Variants in VANGL1 observed in about 807,000 individuals in gnomAD.
VANGL1 encodes the protein VANGL planar cell polarity protein 1, also known as vang-like protein 1.
Under a neutral mutation model 48.4 loss-of-function variants are expected in VANGL1, and 18 were observed. The observed-to-expected ratio is 0.37, with a 90% CI of 0.26 to 0.55. The LOEUF is 0.55. Among genes scored for constraint, VANGL1 ranks in the 20% least tolerant of loss-of-function variants. VANGL1 has a pLI of 0.81. For synonymous variants in VANGL1, 257 were observed against 261.8 expected (o/e 0.98, Z 0.18); for missense variants, 667 against 675.8 (o/e 0.99, Z 0.14).
At position 115,665,971 on chromosome 1, in the gene VANGL1, C is replaced by CT. The variant is rs565401632; in HGVS notation, c.812+1704dup. On this transcript the variant is annotated intron_variant, in intron 4 of 7. Transcript: ENST00000355485. ...CTGGTGGACAGGTGCAGAAACAGGC[C>CT]TGGGGGTATAGGTGATAGGAACACA... 1.7e-3 allele frequency among the ~76,000 whole-genome samples: 263 copies of CT among 152,242 alleles called. 1 individual carries two copies. The highest frequency in any genetic ancestry group is 2.7e-3 in the Non-Finnish European group (183 of 68,030).
rs756389324 is a variant in VANGL1 at position 115,684,036 on chromosome 1, G to A, written c.1039G>A (p.Glu347Lys). ...DSSHNELYYE[E>K]AEHERRVKKR... ...AAGCCACAACGAGTTGTATTATGAA[G>A]AGGCCGAACATGAACGGCGAGTAAA... The change falls in exon 6 of 8, where the codon GAG (glutamate) becomes AAG (lysine). Residue 347 changes from glutamate (E) to lysine (K), a missense_variant. Glu to Lys is a moderately conservative substitution (Grantham distance 56). Transcript: ENST00000355485. 4.3e-6 allele frequency: 7 copies of A among 1,614,036 alleles called. No homozygotes were observed. The highest frequency in any genetic ancestry group is 2.7e-5 in the African/African-American group (2 of 74,932).
At position 115,651,826 on chromosome 1, in the gene VANGL1, G is replaced by T. The variant is rs529029532; in HGVS notation, c.71+342G>T. On this transcript the variant is annotated intron_variant, in intron 2 of 7. Transcript: ENST00000355485. The stretch of plus-strand genomic sequence containing the variant: ...GGCTGGAATGCAGTGGTGCCATCTC[G>T]GCTCACTGCAAGCTCCGCCTTGTGG... Among the ~76,000 whole-genome samples the T allele has an allele frequency of 8.6e-5, 13 of 151,292 alleles. No homozygotes were observed. In the South Asian group the frequency reaches 2.7e-3, roughly 32 times the overall value.
At position 115,689,622 on chromosome 1, in the gene VANGL1, G is replaced by A. The variant is rs566368447; in HGVS notation, c.1315-1497G>A. Among the ~76,000 whole-genome samples, 23 of 132,614 alleles carry A rather than the reference G, an allele frequency of 1.7e-4. 2 individuals are homozygous for A. Among genetic ancestry groups the A allele is most frequent in the Non-Finnish European group, 3.6e-4 (22 of 61,414 alleles). 87.0% of individuals were successfully genotyped at this position (132,614 alleles called of 152,430 possible). A position where few individuals can be genotyped will look rare whatever the true frequency, so the allele number is the denominator to read the frequency against. ...TTGCACTCCAGCCTGGGTAACAAGA[G>A]TGAAACTCTGCCTCAAAAAAAAAAA... On this transcript the variant is annotated intron_variant, in intron 7 of 7. Transcript: ENST00000355485.
chr1:115,684,582 G>A (rs1224458348), intron 6 of VANGL1, among the ~76,000 whole-genome samples: 1 of 152,206 alleles, frequency 6.6e-6, no homozygotes, highest in East Asian at 1.9e-4. Context: ...TGGGAGGGCT[G>A]TTCAAATACA....
In VANGL1 at chr1:115,684,016, A is replaced by C. The variant is rs763413184; in HGVS notation, c.1019A>C (p.His340Pro). Residue 340 changes from histidine (H) to proline (P), a missense_variant, in exon 6 of 8, where the codon CAC (histidine) becomes CCC (proline). His to Pro is a moderately conservative substitution (Grantham distance 77). Transcript: ENST00000355485. The stretch of plus-strand genomic sequence containing the variant: ...GCTGCTCGGCGCAGGGACTCAAGCC[A>C]CAACGAGTTGTATTATGAAGAGGCC... Reference protein sequence around the residue: ...AAAARRRDSSHNELYYEEAEH... With the variant: ...AAAARRRDSSPNELYYEEAEH... 1.2e-6 allele frequency: 2 copies of C among 1,614,070 alleles called. No homozygotes were observed. The highest frequency in any genetic ancestry group is 1.7e-6 in the Non-Finnish European group (2 of 1,179,986).
chr1:115,675,336 A>C (rs1003746768), intron 4 of VANGL1, among the ~76,000 whole-genome samples: 1 of 152,150 alleles, frequency 6.6e-6, no homozygotes, highest in South Asian at 2.1e-4. Context: ...CCCCGTCTCT[A>C]CTAAAATACA....
intron 4 of VANGL1, among the ~76,000 whole-genome samples, chr1:115,681,957 G>A (rs958524677): frequency 2.0e-5 from 3 of 152,240 alleles, no homozygotes; most frequent in African/African-American, 7.2e-5. Context: ...TCTATACTTT[G>A]TTCTTTCACT....
intron 6 of VANGL1, among the ~76,000 whole-genome samples, chr1:115,684,284 G>A (rs992032926): frequency 6.6e-6 from 1 of 151,784 alleles, no homozygotes; most frequent in Non-Finnish European, 1.5e-5. Context: ...GATCACAGGC[G>A]CCCACCACCA....
chr1:115,660,583 G>C (rs1359168850), intron 3 of VANGL1, among the ~76,000 whole-genome samples: 2 of 152,118 alleles, frequency 1.3e-5, no homozygotes, highest in Non-Finnish European at 2.9e-5. Flanking sequence ...AAACATCTGA[G>C]CTATACACAG....
chr1:115,684,847 G>A (rs1439260799), intron 6 of VANGL1, among the ~76,000 whole-genome samples: 1 of 152,126 alleles, frequency 6.6e-6, no homozygotes, highest in Non-Finnish European at 1.5e-5. Flanking sequence ...TGCTGGTGTG[G>A]GTGGCTGGAC....
rs2101043918 is a variant in VANGL1 at position 115,693,598 on chromosome 1, T to G, written c.*2219T>G. 1 of 152,316 alleles carries G rather than the reference T, an allele frequency of 6.6e-6. No homozygotes were observed. The highest frequency in any genetic ancestry group is 2.4e-5 in the African/African-American group (1 of 41,576). The allele number at this position is 152,316 out of a possible 1,614,324, so 9.4% of individuals were successfully genotyped here. On this transcript the variant is annotated 3_prime_UTR_variant, in exon 8 of 8. Coordinates refer to ENST00000355485, the MANE Select transcript of VANGL1 (RefSeq NM_138959.3). The stretch of plus-strand genomic sequence containing the variant: ...ATGTTAGACATTCAGAAATTACTGT[T>G]TCTGTTTTAAATTGAGTATTGATTT...
chr1:115,648,225 A>G (rs1471510180), intron 1 of VANGL1, among the ~76,000 whole-genome samples: 1 of 152,182 alleles, frequency 6.6e-6, no homozygotes, highest in African/African-American at 2.4e-5. Flanking sequence ...ATGGAGGTGG[A>G]TGGACTAATA....
At position 115,695,938 on chromosome 1, in the gene VANGL1, A is replaced by T. The variant is rs1654014460; in HGVS notation, c.*4559A>T. The T allele has an allele frequency of 1.3e-5, 2 of 152,124 alleles. No homozygotes were observed. The highest frequency in any genetic ancestry group is 1.3e-4 in the Admixed American group (2 of 15,272). The allele number at this position is 152,124 out of a possible 1,614,324, so 9.4% of individuals were successfully genotyped here. Reference sequence around the variant, plus strand: ...GGGTGAGAGTTCATTGGGAGGCAGGATCTCTTCTTTCACTTTGGATTTACA... The same window carrying T: ...GGGTGAGAGTTCATTGGGAGGCAGGTTCTCTTCTTTCACTTTGGATTTACA... On this transcript the variant is annotated 3_prime_UTR_variant, in exon 8 of 8. Coordinates refer to ENST00000355485, the MANE Select transcript of VANGL1 (RefSeq NM_138959.3).
At chr1:115,689,054 G>T (rs1210488116) in intron 7 of VANGL1, among the ~76,000 whole-genome samples, 1 of 136,856 alleles carries the variant, frequency 7.3e-6, no homozygotes, top group Non-Finnish European at 1.6e-5. Flanking sequence ...ACCTCCCAAA[G>T]TTCTGGGATT....
chr1:115,689,253 G>C (rs1361710643), intron 7 of VANGL1, among the ~76,000 whole-genome samples: 1 of 137,396 alleles, frequency 7.3e-6, no homozygotes, highest in Non-Finnish European at 1.6e-5. Flanking sequence ...GTGGGAGTAT[G>C]CAAGGCCTTA....
At chr1:115,659,011 G>A (rs1652448756) in intron 2 of VANGL1, among the ~76,000 whole-genome samples, 1 of 151,834 alleles carries the variant, frequency 6.6e-6, no homozygotes, top group African/African-American at 2.4e-5. Context: ...GGTGTCTTTG[G>A]CCTTTTTTCC....
intron 5 of VANGL1, 30 bp downstream of exon 5, chr1:115,682,527 C>T: frequency 1.2e-6 from 2 of 1,614,028 alleles, no homozygotes; most frequent in Admixed American, 1.7e-5. Flanking sequence ...GTCCGTGGTG[C>T]TCACAGGGGC....
Position 115,685,323 on chromosome 1 carries a change from C to T in VANGL1, c.1110C>T (p.Ile370=). The change falls in exon 7 of 8, where the codon ATC becomes ATT. Residue 370 remains isoleucine (I), a synonymous_variant. Transcript: ENST00000355485. ...TGGTTGCAGTGGAAGAGGCCTTCAT[C>T]CACATTCAGCGTCTCCAGGCTGAGG... ...RLVVAVEEAF[I]HIQRLQAEEQ... is the part of the protein sequence containing the mutation. 2 of 1,614,180 alleles carry T rather than the reference C, an allele frequency of 1.2e-6. No individual in the cohort carries two copies. The highest frequency in any genetic ancestry group is 8.5e-7 in the Non-Finnish European group (1 of 1,180,034).
At position 115,690,098 on chromosome 1, in the gene VANGL1, G is replaced by A. The variant is rs190281378; in HGVS notation, c.1315-1021G>A. On this transcript the variant is annotated intron_variant, in intron 7 of 7. Coordinates refer to ENST00000355485, the MANE Select transcript of VANGL1 (RefSeq NM_138959.3). ...ATTTATTTGATTTAATTCGCATGCT[G>A]TCAAACTCCTAGTATGTGCTAGGCA... is the stretch of plus-strand genomic sequence containing the variant. Among the ~76,000 whole-genome samples, 4 of 138,666 alleles carry A rather than the reference G, an allele frequency of 2.9e-5. 1 individual carries two copies. In the East Asian group the frequency reaches 8.1e-4, roughly 28 times the overall value. 91.0% of individuals were successfully genotyped at this position (138,666 alleles called of 152,430 possible).
Sources: gnomAD v4.1 joint callset for allele counts (sites outside exome capture counted in the v4.1 genomes callset) on GRCh38, gnomAD v4.1.1 for gene constraint, MANE v1.5 for transcripts, NCBI Gene and HGNC (gene_info 2026-07-23, HGNC 2026-07-21) for gene names.